CACNA2D4: variants seen among roughly 807,000 people sequenced by gnomAD.
CACNA2D4 encodes calcium voltage-gated channel auxiliary subunit alpha2delta 4.
In CACNA2D4, 157 loss-of-function variants were observed where a neutral mutation model predicts 163.8. The ratio of observed to expected loss-of-function variants is 0.96; its 90% CI spans 0.84 to 1.09. The LOEUF (loss-of-function observed/expected upper bound fraction) is 1.09. CACNA2D4 is among the 50% of genes least tolerant of loss of function. The pLI is 0.00. For missense variants in CACNA2D4, 1,410 were observed against 1,479.9 expected (o/e 0.95, Z 0.78); for synonymous variants, 598 against 586.9 (o/e 1.02, Z -0.27).
At chr12:1,814,267 G>A (rs2154445989) in intron 26 of CACNA2D4, among the ~76,000 whole-genome samples, 1 of 152,294 alleles carries the variant, frequency 6.6e-6, no homozygotes, top group East Asian at 1.9e-4. Flanking sequence ...GGGTGGGGGT[G>A]TAGGTGTTGA....
Position 1,869,328 on chromosome 12 carries a change from G to T in CACNA2D4, c.1878+5276C>A, listed in dbSNP as rs746266354. ...AGAATACCAGGCTCTGCCACTCTTT[G>T]CTGTAACCTACCGTCGTGCTTTCTA... On this transcript the variant is annotated intron_variant, in intron 18 of 37. Coordinates refer to ENST00000382722, the MANE Select transcript of CACNA2D4 (RefSeq NM_172364.5). This position sits in a 1 kb window ranked among gnomAD's most constrained non-coding sequence, Gnocchi z 4.7. 7.9e-5 allele frequency among the ~76,000 whole-genome samples: 12 copies of T among 152,212 alleles called. No homozygotes were observed. The highest frequency in any genetic ancestry group is 1.8e-4 in the Non-Finnish European group (12 of 68,038).
intron 18 of CACNA2D4, among the ~76,000 whole-genome samples, chr12:1,868,755 A>C (rs1057045977): frequency 2.0e-4 from 30 of 152,118 alleles, no homozygotes; most frequent in African/African-American, 7.0e-4. Context: ...CCATATCCAC[A>C]GGTTCCACAT....
At chr12:1,877,351 C>T (rs989880022) in intron 16 of CACNA2D4, among the ~76,000 whole-genome samples, 10 of 152,136 alleles carry the variant, frequency 6.6e-5, no homozygotes, top group Admixed American at 2.0e-4. Context: ...TGGGGCTGTC[C>T]CCCGCAGAAC....
intron 24 of CACNA2D4, among the ~76,000 whole-genome samples, chr12:1,845,235 GC>G (rs1322136982): frequency 6.6e-6 from 1 of 152,116 alleles, no homozygotes; most frequent in Non-Finnish European, 1.5e-5. Context: ...GGTGAAGGGA[GC>G]CCCTGGGAGT....
In CACNA2D4 at chr12:1,833,989, G is replaced by A. The variant is rs1278884170; in HGVS notation, c.2551+6750C>T. The stretch of plus-strand genomic sequence containing the variant: ...GAGGACAGGCCGGATGGAAGTGGCT[G>A]CGTGCTTCTCTATAAAATGGGAATA... On this transcript the variant is annotated intron_variant, in intron 26 of 37. Coordinates refer to ENST00000382722, the MANE Select transcript of CACNA2D4 (RefSeq NM_172364.5). This position sits in a 1 kb window ranked among gnomAD's most constrained non-coding sequence, Gnocchi z 4.2. 6.6e-6 allele frequency among the ~76,000 whole-genome samples: 1 copy of A among 152,190 alleles called. No homozygotes were observed. Among genetic ancestry groups the A allele is most frequent in the Non-Finnish European group, 1.5e-5 (1 of 68,040 alleles).
chr12:1,901,837 C>G (rs1866544617), intron 6 of CACNA2D4, among the ~76,000 whole-genome samples: 1 of 152,026 alleles, frequency 6.6e-6, no homozygotes, highest in African/African-American at 2.4e-5. Context: ...GAAATACTTC[C>G]AAACTCAGTA....
rs1008746452 is a variant in CACNA2D4, at chr12:1,907,968, C to T, written c.556G>A (p.Glu186Lys). 2 of 1,614,028 alleles carry T rather than the reference C, an allele frequency of 1.2e-6. No individual in the cohort carries two copies. The highest frequency in any genetic ancestry group is 8.5e-7 in the Non-Finnish European group (1 of 1,179,870). Residue 186 changes from glutamate (E) to lysine (K), a missense_variant, in exon 5 of 38, where the codon GAG becomes AAG. Physicochemically the swap from Glu to Lys is moderately conservative, Grantham distance 56 (BLOSUM62 1). Transcript: ENST00000382722. ...TGAGCATTGGACTCCAGGAGGAACT[C>T]GGCGCCCAGCTCCACGAAGTTGCCC... ...EKGNFVELGAEFLLESNAHFS... is the reference protein window; with the variant it reads ...EKGNFVELGAKFLLESNAHFS...
chr12:1,849,115 C>T (rs998202733), intron 23 of CACNA2D4, among the ~76,000 whole-genome samples: 4 of 152,212 alleles, frequency 2.6e-5, no homozygotes, highest in African/African-American at 9.7e-5. Context: ...ATCATGGGCT[C>T]ATTTTAAAGA....
intron 3 of CACNA2D4, among the ~76,000 whole-genome samples, chr12:1,912,354 T>C (rs2429162): frequency 0.59 from 90,323 of 152,154 alleles, 27,048 homozygotes; most frequent in African/African-American, 0.62. Context: ...CAGGTCCCCA[T>C]AGGCCTCAGT....
At chr12:1,827,013 A>C (rs1234821823) in intron 26 of CACNA2D4, among the ~76,000 whole-genome samples, 2 of 152,208 alleles carry the variant, frequency 1.3e-5, no homozygotes, top group Admixed American at 6.5e-5. Flanking sequence ...GGAATTACCC[A>C]GGGACAAATC....
intron 26 of CACNA2D4, chr12:1,827,806 A>G: frequency 3.3e-6 from 1 of 298,528 alleles, no homozygotes; most frequent in Non-Finnish European, 6.2e-6. Flanking sequence ...AAGAAGGCAG[A>G]TGAGGCTGGG....
chr12:1,907,045 C>A (rs1322667229), intron 6 of CACNA2D4, among the ~76,000 whole-genome samples: 1 of 152,256 alleles, frequency 6.6e-6, no homozygotes, highest in Admixed American at 6.5e-5. Flanking sequence ...AGAGTGTGGC[C>A]TGTGCCATTT....
At chr12:1,846,462 T>A in intron 24 of CACNA2D4, 132 bp downstream of exon 24, 1 of 699,784 alleles carries the variant, frequency 1.4e-6, no homozygotes, top group Non-Finnish European at 2.4e-6. Context: ...CCTTCTGCCC[T>A]GCTGGGCTCC....
intron 4 of CACNA2D4, among the ~76,000 whole-genome samples, chr12:1,909,010 A>T (rs1437283111): frequency 7.9e-5 from 12 of 152,040 alleles, no homozygotes; most frequent in Admixed American, 7.9e-4. Flanking sequence ...TGCCCTGCTC[A>T]AGCCTTCTGC....
chr12:1,874,497 A>G lies in CACNA2D4; in HGVS notation c.1878+107T>C. On this transcript the variant is annotated intron_variant, in intron 18 of 37. Transcript: ENST00000382722. This position sits in a 1 kb window ranked among gnomAD's most constrained non-coding sequence, Gnocchi z 4.4. ...ACCCTCTAGGTGCAGCAAGCACTCAACTCTTCAGCTATAATTAGGCTAAGT... is the reference window on the plus strand; with the variant it reads ...ACCCTCTAGGTGCAGCAAGCACTCAGCTCTTCAGCTATAATTAGGCTAAGT... 1.3e-6 allele frequency: 1 copy of G among 749,532 alleles called. No individual in the cohort carries two copies. The highest frequency in any genetic ancestry group is 2.6e-5 in the East Asian group (1 of 39,084). The allele number at this position is 749,532 out of a possible 1,614,324, so 46.4% of individuals were successfully genotyped here.
At position 1,918,289 on chromosome 12, in the gene CACNA2D4, G is replaced by C. The variant is rs1415134669; in HGVS notation, c.185C>G (p.Ser62Cys). 1 of 1,610,540 alleles carries C rather than the reference G, an allele frequency of 6.2e-7. No homozygotes were observed. The highest frequency in any genetic ancestry group is 8.5e-7 in the Non-Finnish European group (1 of 1,178,518). The change falls in exon 1 of 38, where the codon TCC (serine) becomes TGC (cysteine). Residue 62 changes from serine (S) to cysteine (C), a missense_variant. Transcript: ENST00000382722. ...ALLWLLLLGT[S>C]LSPAWGQAKI... ...GGCCTGTCCCCACGCAGGGGACAGG[G>C]AGGTGCCTAGAAGCAGCAGCCACAG...
Position 1,829,719 on chromosome 12 carries a change from T to G in CACNA2D4, c.2551+11020A>C, listed in dbSNP as rs1864532449. ...CCCACCCCGACCTGGGACAGCCAGG[T>G]CCCAGGTCCCATGTCAGGGTGGGCC... On this transcript the variant is annotated intron_variant, in intron 26 of 37. Transcript: ENST00000382722. This position sits in a 1 kb window ranked among gnomAD's most constrained non-coding sequence, Gnocchi z 4.2. Among the ~76,000 whole-genome samples, 1 of 143,550 alleles carries G rather than the reference T, an allele frequency of 7.0e-6. No homozygotes were observed. The highest frequency in any genetic ancestry group is 6.9e-5 in the Admixed American group (1 of 14,494). The allele number at this position is 143,550 out of a possible 152,430, so 94.2% of individuals were successfully genotyped here. A position where few individuals can be genotyped will look rare whatever the true frequency, so the allele number is the denominator to read the frequency against.
chr12:1,822,695 C>T (rs1864155508), intron 26 of CACNA2D4, among the ~76,000 whole-genome samples: 1 of 152,222 alleles, frequency 6.6e-6, no homozygotes, highest in Non-Finnish European at 1.5e-5. Context: ...ATGGCTGTTC[C>T]AAGTACAAAT....
Position 1,797,443 on chromosome 12 carries a change from T to C in CACNA2D4, c.3088A>G (p.Ile1030Val), listed in dbSNP as rs1375056476. Reference sequence around the variant, plus strand: ...TTCTGGCAGGGCCCGCACTCCACGATCCCGTTGGCCTCCCGGATGGCCGGC... The same window carrying C: ...TTCTGGCAGGGCCCGCACTCCACGACCCCGTTGGCCTCCCGGATGGCCGGC... ...YQPAIREANG[I>V]VECGPCQKVF... Residue 1030 changes from isoleucine to valine, a missense_variant, in exon 35 of 38, where the codon ATC becomes GTC. By Grantham distance (29) the Ile-to-Val change is conservative. Transcript: ENST00000382722. The C allele has an allele frequency of 1.3e-6, 2 of 1,567,570 alleles. No homozygotes were observed. Among genetic ancestry groups the C allele is most frequent in the Admixed American group, 3.6e-5 (2 of 55,074 alleles).
Sources: gnomAD v4.1 joint callset for allele counts (sites outside exome capture counted in the v4.1 genomes callset) on GRCh38, gnomAD v4.1.1 for gene constraint, Gnocchi (gnomAD v3.1) non-coding constraint, MANE v1.5 for transcripts, NCBI Gene and HGNC (gene_info 2026-07-23, HGNC 2026-07-21) for gene names.